ABHD12: variants seen among roughly 807,000 people sequenced by gnomAD.
ABHD12 encodes the protein abhydrolase domain containing 12, lysophospholipase.
Under a neutral mutation model 58.3 loss-of-function variants are expected in ABHD12, and 43 were observed. The ratio of observed to expected loss-of-function variants is 0.74; its 90% CI spans 0.58 to 0.95. The LOEUF (loss-of-function observed/expected upper bound fraction) is 0.95, where lower values mean the gene tolerates loss of function less well. Among genes scored for constraint, ABHD12 ranks in the 40% least tolerant of loss-of-function variants. ABHD12 has a pLI of 0.00. For synonymous variants in ABHD12, 219 were observed against 211.2 expected (o/e 1.04, Z -0.32); for missense variants, 539 against 537.2 (o/e 1.00, Z -0.03).
chr20:25,352,755 A>G (rs536775188), intron 1 of ABHD12, among the ~76,000 whole-genome samples: 2 of 152,368 alleles, frequency 1.3e-5, no homozygotes, highest in East Asian at 1.9e-4. Flanking sequence ...TAATTAAAAT[A>G]CATACAGGCC....
downstream of ABHD12, among the ~76,000 whole-genome samples, chr20:25,298,352 G>A (rs1283328214): frequency 2.0e-4 from 30 of 152,014 alleles, no homozygotes; most frequent in Admixed American, 1.8e-3. Flanking sequence ...TGCAACCTCC[G>A]CCTCCTGGGT....
intron 1 of ABHD12, among the ~76,000 whole-genome samples, chr20:25,359,441 AAAAACAT>A (rs1437743694): frequency 1.3e-4 from 7 of 52,908 alleles, no homozygotes; most frequent in Non-Finnish European, 3.6e-4. Context: ...AAAAAAAAAA[AAAAACAT>A]TTCTATTTCA....
At chr20:25,320,154 A>C (rs1194001605) in intron 4 of ABHD12, 45 bp downstream of exon 4, 1 of 1,611,136 alleles carries the variant, frequency 6.2e-7, no homozygotes, top group Non-Finnish European at 8.5e-7. Context: ...CACCCCAAAA[A>C]GGAGCCATGC....
At position 25,390,807 on chromosome 20, in the gene ABHD12, G is replaced by T. The variant is rs1055585652; in HGVS notation, c.-104C>A. On this transcript the variant is annotated 5_prime_UTR_variant, in exon 1 of 13. Coordinates refer to ENST00000339157, the MANE Select transcript of ABHD12 (RefSeq NM_001042472.3). ...CAGAGCCCGGAGCCCGGAACCCGCC[G>T]CTCCTCACATCCCAGCCCAGGCCGC... is the stretch of plus-strand genomic sequence containing the variant. 4.0e-6 allele frequency: 3 copies of T among 751,386 alleles called. No homozygotes were observed. Among genetic ancestry groups the T allele is most frequent in the Non-Finnish European group, 5.3e-6 (3 of 566,142 alleles). 46.5% of individuals were successfully genotyped at this position (751,386 alleles called of 1,614,324 possible).
intron 1 of ABHD12, among the ~76,000 whole-genome samples, chr20:25,357,661 AG>A (rs1040287763): frequency 1.4e-4 from 22 of 152,366 alleles, no homozygotes; most frequent in African/African-American, 5.0e-4. Flanking sequence ...TATATATAAA[AG>A]GCAAACATCA....
Position 25,367,102 on chromosome 20 carries a change from T to C in ABHD12, c.191+23411A>G, listed in dbSNP as rs909021307. Among the ~76,000 whole-genome samples, 8 of 152,250 alleles carry C rather than the reference T, an allele frequency of 5.3e-5. No homozygotes were observed. The South Asian group carries it at 1.2e-3, about 24-fold the overall frequency. ...TCTGTTAGATGAATAATCTGAGGAA[T>C]GTTTTTTGAATTTGTCTTCTCTTCC... On this transcript the variant is annotated intron_variant, in intron 1 of 12. Coordinates refer to ENST00000339157, the MANE Select transcript of ABHD12 (RefSeq NM_001042472.3).
chr20:25,329,075 C>T (rs765608715), intron 2 of ABHD12, among the ~76,000 whole-genome samples: 26 of 152,212 alleles, frequency 1.7e-4, no homozygotes, highest in East Asian at 3.9e-4. Context: ...CAGTGCCAGG[C>T]GAGTGCCAGG....
At chr20:25,300,131 AGC>A (rs1231290039), downstream of ABHD12, 1 of 933,892 alleles carries the variant, frequency 1.1e-6, no homozygotes, top group Non-Finnish European at 1.3e-6. Flanking sequence ...GTGGCTCCAA[AGC>A]GGCTAGAGGC....
chr20:25,386,711 T>C (rs1393605238), intron 1 of ABHD12, among the ~76,000 whole-genome samples: 1 of 151,916 alleles, frequency 6.6e-6, no homozygotes, highest in Non-Finnish European at 1.5e-5. Context: ...CAAAATCCCG[T>C]CTCCATTAAA....
intron 1 of ABHD12, among the ~76,000 whole-genome samples, chr20:25,367,994 G>A (rs1358855636): frequency 1.3e-5 from 2 of 152,182 alleles, no homozygotes; most frequent in Non-Finnish European, 2.9e-5. Flanking sequence ...CACAGTTTCT[G>A]TACCATTTTT....
intron 1 of ABHD12, among the ~76,000 whole-genome samples, chr20:25,350,311 G>A (rs539839736): frequency 1.2e-4 from 18 of 152,314 alleles, no homozygotes; most frequent in South Asian, 6.2e-4. Context: ...AATAGTTGTC[G>A]TGTTATGATT....
rs79396534 is a variant in ABHD12 at position 25,356,838 on chromosome 20, G to A, written c.192-17487C>T. On this transcript the variant is annotated intron_variant, in intron 1 of 12. Transcript: ENST00000339157. ...GGCAGGCATCTCGAATGAGGACTGGGCAGTGAGCAGCACAATGAGGCCGCA... is the reference window on the plus strand; with the variant it reads ...GGCAGGCATCTCGAATGAGGACTGGACAGTGAGCAGCACAATGAGGCCGCA... Among the ~76,000 whole-genome samples the A allele has an allele frequency of 8.3e-3, 1,261 of 152,252 alleles. 19 individuals are homozygous for A. Among genetic ancestry groups the A allele is most frequent in the African/African-American group, 0.029 (1,205 of 41,532 alleles).
At position 25,335,977 on chromosome 20, in the gene ABHD12, A is replaced by C. The variant is rs34943394; in HGVS notation, c.316+3250T>G. On this transcript the variant is annotated intron_variant, in intron 2 of 12. Transcript: ENST00000339157. Reference sequence around the variant, plus strand: ...TATAATAATAATAAATAAAAAAAAAACAAAAAACAAATGCATGATGATAGA... The same window carrying C: ...TATAATAATAATAAATAAAAAAAAACCAAAAAACAAATGCATGATGATAGA... 5.3e-5 allele frequency among the ~76,000 whole-genome samples: 8 copies of C among 149,632 alleles called. No individual in the cohort carries two copies. In the South Asian group the frequency reaches 6.2e-4, roughly 12 times the overall value.
chr20:25,312,780 T>G (rs1286646297), intron 6 of ABHD12, among the ~76,000 whole-genome samples: 1 of 146,606 alleles, frequency 6.8e-6, no homozygotes, highest in Non-Finnish European at 1.5e-5. Context: ...GGGGAGCGCC[T>G]CTGCCCCGCC....
chr20:25,295,084 G>A (rs888730267), intron 12 of ABHD12: 44 of 1,552,722 alleles, frequency 2.8e-5, no homozygotes, highest in Non-Finnish European at 3.7e-5. Context: ...CGTGAAGTGT[G>A]CTTCTGACTC....
In ABHD12 at chr20:25,308,019, C is replaced by G. The variant is rs1343233380; in HGVS notation, c.814G>C (p.Glu272Gln). The change falls in exon 9 of 13, where the codon GAA (glutamate) becomes CAA (glutamine). Residue 272 changes from glutamate (E) to glutamine (Q), a missense_variant. Physicochemically the swap from Glu to Gln is conservative, Grantham distance 29. Coordinates refer to ENST00000339157, the MANE Select transcript of ABHD12 (RefSeq NM_001042472.3). ...TCGCGGATATTAGTGAATGGAGATT[C>G]CAATATAAGGGCATCTGGAGGCGTC... ...RETPPDALIL[E>Q]SPFTNIREEA... 3 of 1,609,440 alleles carry G rather than the reference C, an allele frequency of 1.9e-6. No homozygotes were observed. The South Asian group carries it at 3.3e-5, about 18-fold the overall frequency.
chr20:25,315,230 C>G (rs775085458), intron 5 of ABHD12, among the ~76,000 whole-genome samples: 70 of 152,056 alleles, frequency 4.6e-4, no homozygotes, highest in Non-Finnish European at 8.2e-4. Flanking sequence ...CGCTAGGGGG[C>G]CAGGAGCAGT....
chr20:25,344,564 G>C (rs6115152), intron 1 of ABHD12, among the ~76,000 whole-genome samples: 15 of 152,154 alleles, frequency 9.9e-5, no homozygotes, highest in Admixed American at 9.8e-4. Flanking sequence ...TGGACAGGAA[G>C]GCCCAATATT....
intron 10 of ABHD12, 49 bp downstream of exon 10, chr20:25,306,784 T>G (rs765124136): frequency 1.5e-6 from 2 of 1,340,812 alleles, no homozygotes; most frequent in Non-Finnish European, 2.1e-6. Context: ...CCAGAGGTTC[T>G]CAGAGTTTTT....
Sources: allele counts gnomAD v4.1 joint callset (sites outside exome capture counted in the v4.1 genomes callset), GRCh38; gene constraint gnomAD v4.1.1; transcripts MANE v1.5; gene names NCBI Gene and HGNC (gene_info 2026-07-23, HGNC 2026-07-21).